RAB2A: variants seen among roughly 807,000 people sequenced by gnomAD.
The protein encoded by RAB2A is RAB2A, member RAS oncogene family, also known as ras-related protein Rab-2A.
In RAB2A, 7 loss-of-function variants were observed where a neutral mutation model predicts 32.5. That is an observed-to-expected ratio of 0.22 (90% CI 0.12 to 0.40). The LOEUF (loss-of-function observed/expected upper bound fraction) is 0.40, where lower values mean the gene tolerates loss of function less well. RAB2A is among the 10% of genes least tolerant of loss of function. The pLI is 1.00. For missense variants in RAB2A, 108 were observed against 260.7 expected (o/e 0.41, Z 4.03); for synonymous variants, 79 against 85.2 (o/e 0.93, Z 0.40).
chr8:60,609,191 C>T (rs984394634), intron 6 of RAB2A, among the ~76,000 whole-genome samples: 1 of 152,066 alleles, frequency 6.6e-6, no homozygotes, highest in Non-Finnish European at 1.5e-5. Flanking sequence ...TTACAGTGTT[C>T]TCTCCCCTTC....
intron 1 of RAB2A, among the ~76,000 whole-genome samples, chr8:60,547,902 G>C (rs1434379431): frequency 9.0e-6 from 1 of 111,290 alleles, no homozygotes; most frequent in African/African-American, 3.8e-5. Context: ...CCTCCCTCCC[G>C]GACGGGGCGG....
At chr8:60,582,711 C>T (rs1238600948) in intron 3 of RAB2A, among the ~76,000 whole-genome samples, 2 of 152,094 alleles carry the variant, frequency 1.3e-5, no homozygotes, top group African/African-American at 4.8e-5. Context: ...CGGGGTTTTG[C>T]CATGTTGCCC....
intron 5 of RAB2A, among the ~76,000 whole-genome samples, chr8:60,587,909 T>A (rs1296484950): frequency 6.6e-6 from 1 of 152,212 alleles, no homozygotes; most frequent in Non-Finnish European, 1.5e-5. Context: ...TAAGAAGACA[T>A]CCACTTTTTA....
intron 3 of RAB2A, among the ~76,000 whole-genome samples, chr8:60,579,806 T>G (rs1457215899): frequency 6.6e-6 from 1 of 151,850 alleles, no homozygotes; most frequent in East Asian, 1.9e-4. Flanking sequence ...TTTTTGCATT[T>G]TTAGTAGAGA....
intron 1 of RAB2A, among the ~76,000 whole-genome samples, chr8:60,549,312 G>A (rs1424335595): frequency 4.6e-5 from 7 of 152,290 alleles, no homozygotes; most frequent in African/African-American, 1.4e-4. Flanking sequence ...AGGTTGTAGC[G>A]AGCCGAGATC....
intron 1 of RAB2A, among the ~76,000 whole-genome samples, chr8:60,525,543 C>G (rs1015176213): frequency 6.6e-6 from 1 of 152,152 alleles, no homozygotes; most frequent in African/African-American, 2.4e-5. Flanking sequence ...GGTGGTCTGG[C>G]TCCATTCCCC....
intron 1 of RAB2A, among the ~76,000 whole-genome samples, chr8:60,529,953 A>C (rs1363033358): frequency 6.6e-6 from 1 of 152,136 alleles, no homozygotes; most frequent in Non-Finnish European, 1.5e-5. Context: ...CAAAGTAATC[A>C]GTTGACTCAT....
intron 3 of RAB2A, among the ~76,000 whole-genome samples, chr8:60,583,519 C>A (rs1803796211): frequency 6.6e-6 from 1 of 152,018 alleles, no homozygotes; most frequent in South Asian, 2.1e-4. Context: ...TTTTGACAAG[C>A]ATTATATATC....
chr8:60,521,140 T>C (rs1170824242), intron 1 of RAB2A, among the ~76,000 whole-genome samples: 1 of 152,222 alleles, frequency 6.6e-6, no homozygotes, highest in East Asian at 1.9e-4. Flanking sequence ...ATTATCTTTT[T>C]AGTTAGGAAG....
chr8:60,526,787 G>A (rs1037639533), intron 1 of RAB2A, among the ~76,000 whole-genome samples: 1 of 151,888 alleles, frequency 6.6e-6, no homozygotes, highest in Admixed American at 6.6e-5. Context: ...TGGGCAACAC[G>A]GTGAAACCCC....
At chr8:60,616,644 G>A (rs1041257734) in intron 6 of RAB2A, among the ~76,000 whole-genome samples, 5 of 152,250 alleles carry the variant, frequency 3.3e-5, no homozygotes, top group Non-Finnish European at 7.3e-5. Flanking sequence ...AAGCGCACTC[G>A]CGTCCTAAGT....
chr8:60,608,517 C>CCTTCTTCCTCTT (rs1381087429), intron 6 of RAB2A, among the ~76,000 whole-genome samples: 1 of 138,370 alleles, frequency 7.2e-6, no homozygotes, highest in African/African-American at 3.2e-5. Context: ...TTCTTCCTCT[C>CCTTCTTCCTCTT]CTTCTTCCTC....
intron 1 of RAB2A, among the ~76,000 whole-genome samples, chr8:60,551,492 A>T (rs567274495): frequency 3.7e-4 from 56 of 152,336 alleles, no homozygotes; most frequent in Non-Finnish European, 1.0e-4. Flanking sequence ...CAGTGGATTA[A>T]CTTATTTAAT....
chr8:60,558,826 CTTA>C, intron 1 of RAB2A, 23 bp from the exon 2 acceptor site: 1 of 1,580,848 alleles, frequency 6.3e-7, no homozygotes, highest in Non-Finnish European at 8.7e-7. Context: ...AATTTTGTCT[CTTA>C]TTTATTTTTT....
intron 3 of RAB2A, chr8:60,576,266 G>A (rs765954570): frequency 3.1e-5 from 14 of 456,120 alleles, no homozygotes; most frequent in African/African-American, 1.0e-4. Context: ...CGTTGCCCCT[G>A]GTTTCTGTTC....
intron 1 of RAB2A, among the ~76,000 whole-genome samples, chr8:60,524,639 T>C (rs984096170): frequency 1.3e-5 from 2 of 152,244 alleles, no homozygotes; most frequent in African/African-American, 4.8e-5. Flanking sequence ...TAGCCCCCTT[T>C]TAATTTCTGC....
intron 1 of RAB2A, among the ~76,000 whole-genome samples, chr8:60,535,053 T>C (rs553217583): frequency 4.9e-4 from 75 of 152,338 alleles, no homozygotes; most frequent in African/African-American, 1.7e-3. Flanking sequence ...TAGCCATGAA[T>C]AAATCTTATT....
rs537189007 is a variant in RAB2A at position 60,604,037 on chromosome 8, C to T, written c.474+12068C>T. Among the ~76,000 whole-genome samples, 9 of 152,248 alleles carry T rather than the reference C, an allele frequency of 5.9e-5. No homozygotes were observed. In the South Asian group the frequency reaches 6.2e-4, roughly 11 times the overall value. On this transcript the variant is annotated intron_variant, in intron 6 of 7. Transcript: ENST00000262646. ...GGCCTGGTGGGAGGTGATTAGATCA[C>T]GGGAGCAGTTTCTTATGAGTGGTTT...
intron 3 of RAB2A, among the ~76,000 whole-genome samples, chr8:60,583,096 G>T (rs886068868): frequency 6.6e-6 from 1 of 151,668 alleles, no homozygotes; most frequent in African/African-American, 2.4e-5. Flanking sequence ...GCAAGGTATT[G>T]TAGAGTGTTG....
Sources: gnomAD v4.1 joint callset for allele counts (sites outside exome capture counted in the v4.1 genomes callset) on GRCh38, gnomAD v4.1.1 for gene constraint, MANE v1.5 for transcripts, NCBI Gene and HGNC (gene_info 2026-07-23, HGNC 2026-07-21) for gene names.